The following UGT1A5 variants were observed in gnomAD, a reference collection of about 807,000 sequenced individuals.
UGT1A5 encodes the protein UDP glucuronosyltransferase family 1 member A5.
Under a neutral mutation model 40.3 loss-of-function variants are expected in UGT1A5, and 29 were observed. The ratio of observed to expected loss-of-function variants is 0.72; its 90% CI spans 0.54 to 0.98. The LOEUF (loss-of-function observed/expected upper bound fraction) is 0.98. UGT1A5 is among the 50% of genes least tolerant of loss of function. The probability of loss-of-function intolerance (pLI) is 0.00; values close to 1 mark genes in which losing one functional copy is unlikely to be tolerated. For synonymous variants in UGT1A5, 257 were observed against 262.5 expected, an observed-to-expected ratio of 0.98 and a Z score of 0.20; for missense variants, 678 against 677.9, an observed-to-expected ratio of 1.00 and a Z score of 0.00.
intron 1 of UGT1A5, among the ~76,000 whole-genome samples, chr2:233,764,685 G>C (rs1320206547): frequency 6.6e-6 from 1 of 152,148 alleles, no homozygotes; most frequent in Non-Finnish European, 1.5e-5. Context: ...AGAACTTGAA[G>C]AGCACTTGGA....
chr2:233,739,944 C>T (rs937638963), intron 1 of UGT1A5, among the ~76,000 whole-genome samples: 6 of 151,864 alleles, frequency 4.0e-5, no homozygotes, highest in Admixed American at 3.3e-4. Flanking sequence ...AGGTTGGTAC[C>T]TGGTGGGAGC....
intron 1 of UGT1A5, among the ~76,000 whole-genome samples, chr2:233,726,247 G>C (rs1198671452): frequency 6.6e-6 from 1 of 152,198 alleles, no homozygotes; most frequent in Non-Finnish European, 1.5e-5. Flanking sequence ...AATATGAAAA[G>C]CTGGGTGCAG....
chr2:233,734,069 C>T (rs2078473996), intron 1 of UGT1A5, among the ~76,000 whole-genome samples: 1 of 152,054 alleles, frequency 6.6e-6, no homozygotes, highest in South Asian at 2.1e-4. Context: ...AACAAACCTG[C>T]ACATTGTGCA....
In UGT1A5 at chr2:233,767,120, G is replaced by A; in HGVS notation, c.954G>A (p.Lys318=). The A allele has an allele frequency of 1.2e-6, 2 of 1,614,156 alleles. No individual in the cohort carries two copies. The highest frequency in any genetic ancestry group is 1.7e-6 in the Non-Finnish European group (2 of 1,180,028). ...CAATGGTCTCAGAAATTCCAGAGAA[G>A]AAAGCTATGGCAATTGCTGATGCTT... ...LGSMVSEIPE[K]KAMAIADALG... The change falls in exon 2 of 5, where the codon AAG becomes AAA. Residue 318 remains lysine, a synonymous_variant. Transcript: ENST00000373414.
intron 1 of UGT1A5, among the ~76,000 whole-genome samples, chr2:233,715,114 G>A (rs1204303060): frequency 6.6e-6 from 1 of 152,076 alleles, no homozygotes; most frequent in Non-Finnish European, 1.5e-5. Context: ...TCAAATGCCT[G>A]ATCTCAAGTG....
chr2:233,739,222 A>G (rs1312187699), intron 1 of UGT1A5, among the ~76,000 whole-genome samples: 1 of 152,214 alleles, frequency 6.6e-6, no homozygotes, highest in Non-Finnish European at 1.5e-5. Flanking sequence ...TAGAGTCCTT[A>G]TAGAGAACCT....
rs373069908 is a variant in UGT1A5, at chr2:233,718,914, T to G, written c.867+5056T>G. On this transcript the variant is annotated intron_variant, in intron 1 of 4. Coordinates refer to ENST00000373414, the MANE Select transcript of UGT1A5 (RefSeq NM_019078.2). Reference sequence around the variant, plus strand: ...GCCCTGGGCTGAGAGTGGAAAGGTGTTGGTGGTGCCCACTGATGGCAGCCC... The same window carrying G: ...GCCCTGGGCTGAGAGTGGAAAGGTGGTGGTGGTGCCCACTGATGGCAGCCC... 6.2e-6 allele frequency: 10 copies of G among 1,614,066 alleles called. No homozygotes were observed. In the East Asian group the frequency reaches 1.8e-4, roughly 29 times the overall value.
intron 1 of UGT1A5, among the ~76,000 whole-genome samples, chr2:233,757,579 A>G (rs962970301): frequency 1.1e-5 from 1 of 92,092 alleles, no homozygotes; most frequent in Non-Finnish European, 2.2e-5. Flanking sequence ...TGATATAGCT[A>G]TAGTCTAATA....
At chr2:233,734,361 G>A (rs557706400) in intron 1 of UGT1A5, among the ~76,000 whole-genome samples, 44 of 152,144 alleles carry the variant, frequency 2.9e-4, no homozygotes, top group Non-Finnish European at 5.3e-4. Flanking sequence ...CTGTGGGATC[G>A]GTGGTGATAT....
rs1393468196 is a variant in UGT1A5 at position 233,724,983 on chromosome 2, G to A, written c.867+11125G>A. Among the ~76,000 whole-genome samples, 3 of 134,836 alleles carry A rather than the reference G, an allele frequency of 2.2e-5. 1 individual carries two copies. The highest frequency in any genetic ancestry group is 9.1e-5 in the African/African-American group (3 of 32,964). The allele number at this position is 134,836 out of a possible 152,430, so 88.5% of individuals were successfully genotyped here. A position where few individuals can be genotyped will look rare whatever the true frequency, so the allele number is the denominator to read the frequency against. On this transcript the variant is annotated intron_variant, in intron 1 of 4. Transcript: ENST00000373414. ...AGGCCGAGGTTGGCGGATCACTCGC[G>A]GTTAGGGGCTGGAGACCGGCCCGGC...
intron 1 of UGT1A5, chr2:233,719,562 C>A (rs1164668665): frequency 9.9e-6 from 16 of 1,613,782 alleles, no homozygotes; most frequent in African/African-American, 1.3e-5. Flanking sequence ...AGTGGTGGAT[C>A]TTGTCAGCTA....
chr2:233,740,602 C>T (rs1333865723), intron 1 of UGT1A5: 1 of 151,786 alleles, frequency 6.6e-6, no homozygotes, highest in Non-Finnish European at 1.5e-5. Context: ...TTACAGGTCT[C>T]CAGGTCTCTT....
At chr2:233,718,662 T>C (rs2076673161) in intron 1 of UGT1A5, 13 of 1,536,316 alleles carry the variant, frequency 8.5e-6, no homozygotes, top group Admixed American at 7.8e-5. Context: ...AAGGCAGTTA[T>C]AGATTAATGG....
intron 1 of UGT1A5, among the ~76,000 whole-genome samples, chr2:233,728,922 C>T (rs1370421534): frequency 6.9e-6 from 1 of 145,892 alleles, no homozygotes; most frequent in Non-Finnish European, 1.5e-5. Context: ...TCAAGATAGT[C>T]ATGATCGGTC....
chr2:233,727,845 A>G (rs1384515485), intron 1 of UGT1A5, among the ~76,000 whole-genome samples: 1 of 152,084 alleles, frequency 6.6e-6, no homozygotes, highest in East Asian at 1.9e-4. Context: ...ATGTGGAGTA[A>G]TTTCCTCCCT....
chr2:233,727,725 C>CT (rs2077642996), intron 1 of UGT1A5, among the ~76,000 whole-genome samples: 1 of 152,230 alleles, frequency 6.6e-6, no homozygotes, highest in South Asian at 2.1e-4. Context: ...GCAGACCTTC[C>CT]TTTTCTGTGC....
chr2:233,719,669 C>T (rs375077876), intron 1 of UGT1A5: 192 of 1,614,064 alleles, frequency 1.2e-4, no homozygotes, highest in East Asian at 4.0e-4. Context: ...ACTGTGCCAA[C>T]GGGAAGCCAC....
intron 1 of UGT1A5, among the ~76,000 whole-genome samples, chr2:233,752,106 AGAG>A (rs1694895437): frequency 6.6e-6 from 1 of 152,236 alleles, no homozygotes; most frequent in Non-Finnish European, 1.5e-5. Flanking sequence ...AAGTAGAATC[AGAG>A]GAGAAGAAGA....
At chr2:233,720,048 C>T (rs12466779) in intron 1 of UGT1A5, among the ~76,000 whole-genome samples, 12,140 of 152,146 alleles carry the variant, frequency 0.08, 618 homozygotes, top group East Asian at 0.2. Context: ...TTCAGCTGAA[C>T]GGTGATGCAA....
Sources: gnomAD v4.1 joint callset for allele counts (sites outside exome capture counted in the v4.1 genomes callset) on GRCh38, gnomAD v4.1.1 for gene constraint, MANE v1.5 for transcripts, NCBI Gene and HGNC (gene_info 2026-07-23, HGNC 2026-07-21) for gene names.